Variants in CLASP2 observed in about 807,000 individuals in gnomAD.
The protein encoded by CLASP2 is cytoplasmic linker associated protein 2, also known as CLIP-associating protein 2.
CLASP2 carries 47 observed loss-of-function variants against 194.4 expected under a neutral mutation model. The ratio of observed to expected loss-of-function variants is 0.24; its 90% CI spans 0.19 to 0.31. The LOEUF (loss-of-function observed/expected upper bound fraction) is 0.31, where lower values mean the gene tolerates loss of function less well. Ranked by LOEUF, CLASP2 falls within the 10% of genes least tolerant of loss-of-function variation. The probability of loss-of-function intolerance (pLI) is 1.00; values close to 1 mark genes in which losing one functional copy is unlikely to be tolerated. For synonymous variants in CLASP2, 619 were observed against 633.5 expected, an observed-to-expected ratio of 0.98 and a Z score of 0.34; for missense variants, 1,445 against 1,823.6, an observed-to-expected ratio of 0.79 and a Z score of 3.78.
At chr3:33,517,945 G>A (rs1260272679) in intron 34 of CLASP2, among the ~76,000 whole-genome samples, 1 of 152,178 alleles carries the variant, frequency 6.6e-6, no homozygotes, top group Non-Finnish European at 1.5e-5. Context: ...ACCATGCCCA[G>A]ACTATCAATC....
intron 11 of CLASP2, among the ~76,000 whole-genome samples, chr3:33,621,736 G>A (rs1478513166): frequency 6.6e-6 from 1 of 152,082 alleles, no homozygotes; most frequent in Non-Finnish European, 1.5e-5. Flanking sequence ...TAAAGTTTAG[G>A]TTTTGCTAAG....
chr3:33,563,492 T>C (rs2062124731), intron 27 of CLASP2, among the ~76,000 whole-genome samples: 1 of 152,216 alleles, frequency 6.6e-6, no homozygotes, highest in Admixed American at 6.5e-5. Context: ...GTAGCCTGAC[T>C]TTAGTTTTAT....
At chr3:33,672,879 G>T (rs926825021) in intron 6 of CLASP2, among the ~76,000 whole-genome samples, 8 of 152,114 alleles carry the variant, frequency 5.3e-5, no homozygotes, top group Non-Finnish European at 1.0e-4. Context: ...AAGCAAGAAG[G>T]GAAGTTTAGA....
intron 27 of CLASP2, among the ~76,000 whole-genome samples, chr3:33,562,516 C>T (rs1393031315): frequency 6.6e-6 from 1 of 152,144 alleles, no homozygotes; most frequent in Non-Finnish European, 1.5e-5. Context: ...GTTAAATATT[C>T]AGGAATCTTG....
intron 27 of CLASP2, among the ~76,000 whole-genome samples, chr3:33,565,362 G>A (rs2062523152): frequency 6.6e-6 from 1 of 151,856 alleles, no homozygotes; most frequent in African/African-American, 2.4e-5. Context: ...TGTACTTTTA[G>A]TAGAGATAGG....
At chr3:33,599,104 C>CTTATTTAT (rs10556405) in intron 18 of CLASP2, among the ~76,000 whole-genome samples, 31 of 150,374 alleles carry the variant, frequency 2.1e-4, no homozygotes, top group East Asian at 1.8e-3. Flanking sequence ...TTGTTGTTGT[C>CTTATTTAT]TTATTTATTT....
chr3:33,607,028 T>C (rs928066932), intron 15 of CLASP2, among the ~76,000 whole-genome samples: 5 of 152,366 alleles, frequency 3.3e-5, no homozygotes, highest in African/African-American at 1.2e-4. Flanking sequence ...TCAGTTGCCA[T>C]CTATGGAGAT....
intron 9 of CLASP2, among the ~76,000 whole-genome samples, chr3:33,627,611 T>C (rs1443732932): frequency 6.6e-6 from 1 of 152,158 alleles, no homozygotes; most frequent in South Asian, 2.1e-4. Context: ...ACAGAGGTAC[T>C]ATGCTAGGCA....
intron 1 of CLASP2, among the ~76,000 whole-genome samples, chr3:33,717,402 AC>A (rs1258199771): frequency 2.3e-4 from 34 of 151,016 alleles, no homozygotes; most frequent in African/African-American, 8.0e-4. Flanking sequence ...GGGACGCGGG[AC>A]CCCCCTGTTT....
chr3:33,660,526 A>AT (rs1351872096), intron 7 of CLASP2, among the ~76,000 whole-genome samples: 2 of 152,110 alleles, frequency 1.3e-5, no homozygotes, highest in African/African-American at 4.8e-5. Context: ...TAGTAAAATG[A>AT]TTTTTTTCAT....
intron 3 of CLASP2, among the ~76,000 whole-genome samples, chr3:33,689,389 A>C (rs1448876849): frequency 6.6e-6 from 1 of 152,070 alleles, no homozygotes; most frequent in Admixed American, 6.5e-5. Context: ...ATTTAAAAAA[A>C]AAAAAATTAG....
chr3:33,510,786 G>A (rs562061647), intron 36 of CLASP2, 22 bp from the exon 37 acceptor site: 2 of 1,569,176 alleles, frequency 1.3e-6, no homozygotes, highest in East Asian at 2.3e-5. Flanking sequence ...AGGAAATTAA[G>A]CCAGAAAGTA....
intron 20 of CLASP2, 59 bp from the exon 21 acceptor site, chr3:33,592,555 G>T: frequency 1.5e-6 from 2 of 1,333,116 alleles, no homozygotes; most frequent in South Asian, 1.3e-5. Flanking sequence ...GTTTAATAAT[G>T]AGAGGAGAAA....
chr3:33,531,846 T>C (rs979839247), intron 34 of CLASP2, among the ~76,000 whole-genome samples: 2 of 152,082 alleles, frequency 1.3e-5, no homozygotes, highest in Non-Finnish European at 1.5e-5. Flanking sequence ...ATGGTTACTA[T>C]AAAACAACAA....
chr3:33,554,000 G>A (rs2060480857), intron 29 of CLASP2, among the ~76,000 whole-genome samples: 1 of 152,170 alleles, frequency 6.6e-6, no homozygotes, highest in Non-Finnish European at 1.5e-5. Context: ...GCTGAGGTGG[G>A]CGGATCACCT....
intron 37 of CLASP2, among the ~76,000 whole-genome samples, chr3:33,506,906 C>A (rs765612900): frequency 3.3e-5 from 5 of 150,586 alleles, no homozygotes; most frequent in Non-Finnish European, 7.4e-5. Flanking sequence ...AGTGTAAGTA[C>A]TCCAATTTTG....
At chr3:33,625,345 C>G (rs989601501) in intron 10 of CLASP2, among the ~76,000 whole-genome samples, 1 of 151,496 alleles carries the variant, frequency 6.6e-6, no homozygotes, top group Non-Finnish European at 1.5e-5. Context: ...TAAAAACAAA[C>G]AAAGATCAGA....
At chr3:33,626,556 C>T (rs1333880364) in intron 10 of CLASP2, among the ~76,000 whole-genome samples, 1 of 151,870 alleles carries the variant, frequency 6.6e-6, no homozygotes, top group Admixed American at 6.6e-5. Flanking sequence ...AAGAAAAAAA[C>T]CCAGATAAAT....
At chr3:33,688,246 G>A in intron 4 of CLASP2, 31 bp downstream of exon 4, 1 of 1,469,588 alleles carries the variant, frequency 6.8e-7, no homozygotes, top group Non-Finnish European at 9.1e-7. Flanking sequence ...TAAAAAACAA[G>A]ACAGTTATTT....
Sources: gnomAD v4.1 joint callset for allele counts (sites outside exome capture counted in the v4.1 genomes callset) on GRCh38, gnomAD v4.1.1 for gene constraint, MANE v1.5 for transcripts, NCBI Gene and HGNC (gene_info 2026-07-23, HGNC 2026-07-21) for gene names.